ACOT12: variants seen among roughly 807,000 people sequenced by gnomAD.
ACOT12 encodes acyl-CoA thioesterase 12, also known as acetyl-coenzyme A thioesterase.
ACOT12 carries 51 observed loss-of-function variants against 67.7 expected under a neutral mutation model. The ratio of observed to expected loss-of-function variants is 0.75; its 90% CI spans 0.60 to 0.95. The LOEUF (loss-of-function observed/expected upper bound fraction) is 0.95. Ranked by LOEUF, ACOT12 falls within the 40% of genes least tolerant of loss-of-function variation. ACOT12 has a pLI of 0.00. For synonymous variants in ACOT12, 251 were observed against 244.6 expected (o/e 1.03, Z -0.24); for missense variants, 734 against 708.1 (o/e 1.04, Z -0.41).
At position 81,332,537 on chromosome 5, in the gene ACOT12, T is replaced by C; in HGVS notation, c.1331A>G (p.Asn444Ser). ...TACCAAGTCTTTGGGTTTGTCATCA[T>C]TCAGTATAGGACAGGTGATGTGATA... ...QLYHITCPIL[N>S]DDKPKDLVVL... The change falls in exon 13 of 15, where the codon AAT (asparagine) becomes AGT (serine). Residue 444 changes from asparagine to serine, a missense_variant. By Grantham distance (46) the Asn-to-Ser change is conservative. Transcript: ENST00000307624. 6.2e-6 allele frequency: 10 copies of C among 1,614,170 alleles called. No individual in the cohort carries two copies. The highest frequency in any genetic ancestry group is 2.2e-5 in the East Asian group (1 of 44,882).
At chr5:81,325,320 G>A (rs1758648195), downstream of ACOT12, among the ~76,000 whole-genome samples, 1 of 152,214 alleles carries the variant, frequency 6.6e-6, no homozygotes, top group South Asian at 2.1e-4. Context: ...AACATCCAGG[G>A]AGATGGAGTA....
the ACOT12 span, among the ~76,000 whole-genome samples, chr5:81,313,459 G>A: frequency 6.6e-6 from 1 of 152,294 alleles, no homozygotes; most frequent in East Asian, 1.9e-4. Context: ...AAACTTAATA[G>A]CATTTTGTTC....
intron 2 of ACOT12, among the ~76,000 whole-genome samples, chr5:81,377,862 C>T (rs1264831754): frequency 6.6e-6 from 1 of 152,194 alleles, no homozygotes; most frequent in East Asian, 1.9e-4. Flanking sequence ...GGAAAATATT[C>T]CCTGCTCATG....
chr5:81,342,850 A>C (rs1759242569), intron 10 of ACOT12, 95 bp from the exon 11 acceptor site: 1 of 1,287,746 alleles, frequency 7.8e-7, no homozygotes, highest in African/African-American at 1.5e-5. Flanking sequence ...CTGTTGGAGG[A>C]GGTATGTGTT....
At position 81,382,291 on chromosome 5, in the gene ACOT12, C is replaced by T. The variant is rs77284559; in HGVS notation, c.197+3466G>A. The stretch of plus-strand genomic sequence containing the variant: ...TGCCCAGGTTGTGGTCTCTACTTCT[C>T]ATTTCTACTGCAAGGAATCAGGACT... On this transcript the variant is annotated intron_variant, in intron 2 of 14. Coordinates refer to ENST00000307624, the MANE Select transcript of ACOT12 (RefSeq NM_130767.3). Among the ~76,000 whole-genome samples the T allele has an allele frequency of 1.4e-3, 218 of 152,282 alleles. 1 individual carries two copies. Among genetic ancestry groups the T allele is most frequent in the African/African-American group, 5.1e-3 (211 of 41,550 alleles).
intron 5 of ACOT12, among the ~76,000 whole-genome samples, chr5:81,353,227 G>A (rs1759606707): frequency 6.6e-6 from 1 of 152,214 alleles, no homozygotes; most frequent in Non-Finnish European, 1.5e-5. Context: ...TACGTATGCA[G>A]AAATATATTG....
At chr5:81,310,302 T>C in the ACOT12 span, among the ~76,000 whole-genome samples, 1 of 152,194 alleles carries the variant, frequency 6.6e-6, no homozygotes, top group African/African-American at 2.4e-5. Context: ...GCGATTTGTT[T>C]TAATTTAGAA....
At chr5:81,346,077 T>C in intron 6 of ACOT12, 73 bp from the exon 7 acceptor site, 6 of 1,579,132 alleles carry the variant, frequency 3.8e-6, no homozygotes, top group Non-Finnish European at 5.2e-6. Context: ...CACAGACAAG[T>C]CTTCAAATAA....
At chr5:81,371,989 C>T (rs758277513) in intron 2 of ACOT12, among the ~76,000 whole-genome samples, 179 bp from the exon 3 acceptor site, 2 of 152,010 alleles carry the variant, frequency 1.3e-5, no homozygotes, top group Non-Finnish European at 2.9e-5. Context: ...AAACAAAGGC[C>T]GATAACTGTA....
At chr5:81,347,393 G>A (rs1370287425) in intron 6 of ACOT12, among the ~76,000 whole-genome samples, 1 of 152,152 alleles carries the variant, frequency 6.6e-6, no homozygotes, top group African/African-American at 2.4e-5. Flanking sequence ...TTATAGGTGT[G>A]AGCCACCCTG....
intron 5 of ACOT12, among the ~76,000 whole-genome samples, chr5:81,352,931 G>T (rs1759598052): frequency 6.6e-6 from 1 of 152,156 alleles, no homozygotes; most frequent in Non-Finnish European, 1.5e-5. Context: ...TGAGACGGTA[G>T]GCAGACTTAC....
In ACOT12 at chr5:81,357,725, GCT is replaced by G. The variant is rs570189858; in HGVS notation, c.496+2176_496+2177del. ...ACAGATTTCAAAAGAACTGTTCCTT[GCT>G]GGGCGCGGTGACTCACACCTGTAAC... On this transcript the variant is annotated intron_variant, in intron 5 of 14. Transcript: ENST00000307624. 1.9e-3 allele frequency among the ~76,000 whole-genome samples: 285 copies of G among 152,214 alleles called. 2 individuals are homozygous for G. The highest frequency in any genetic ancestry group is 6.5e-3 in the African/African-American group (272 of 41,534).
At chr5:81,346,543 CTT>C (rs1759387281) in intron 6 of ACOT12, among the ~76,000 whole-genome samples, 1 of 152,182 alleles carries the variant, frequency 6.6e-6, no homozygotes, top group Admixed American at 6.5e-5. Context: ...GTGTATGACA[CTT>C]TGAAATAATT....
intron 2 of ACOT12, among the ~76,000 whole-genome samples, chr5:81,382,733 C>T (rs760196281): frequency 9.3e-5 from 14 of 151,236 alleles, no homozygotes; most frequent in African/African-American, 3.4e-4. Flanking sequence ...ACCTGGGAGG[C>T]GGAGGTTGCA....
At chr5:81,389,675 C>T (rs984104752) in intron 1 of ACOT12, among the ~76,000 whole-genome samples, 11 of 151,514 alleles carry the variant, frequency 7.3e-5, no homozygotes, top group South Asian at 2.1e-4. Flanking sequence ...TACAGGCGTG[C>T]GCCACCATGC....
intron 3 of ACOT12, among the ~76,000 whole-genome samples, chr5:81,370,003 G>C (rs1399036916): frequency 6.6e-6 from 1 of 152,270 alleles, no homozygotes; most frequent in East Asian, 1.9e-4. Context: ...CATCAGCCAG[G>C]CACAGTAGCT....
At chr5:81,361,997 C>A (rs1759923949) in intron 4 of ACOT12, among the ~76,000 whole-genome samples, 1 of 152,136 alleles carries the variant, frequency 6.6e-6, no homozygotes, top group Admixed American at 6.5e-5. Context: ...GCTGCTGAAC[C>A]AGCATATTAG....
chr5:81,385,661 A>C, intron 2 of ACOT12, 96 bp downstream of exon 2: 4 of 1,114,728 alleles, frequency 3.6e-6, no homozygotes, highest in African/African-American at 1.6e-5. Context: ...AAACAAGATC[A>C]CTACCTCTGC....
At chr5:81,309,091 GATTT>G in the ACOT12 span, 1 of 1,329,740 alleles carries the variant, frequency 7.5e-7, no homozygotes, top group Non-Finnish European at 1.0e-6. Flanking sequence ...GTGCAGTTGT[GATTT>G]AATTTACACT....
Sources: allele counts gnomAD v4.1 joint callset (sites outside exome capture counted in the v4.1 genomes callset), GRCh38; gene constraint gnomAD v4.1.1; transcripts MANE v1.5; gene names NCBI Gene and HGNC (gene_info 2026-07-23, HGNC 2026-07-21).